NOL6: variants seen among roughly 807,000 people sequenced by gnomAD.
NOL6 encodes nucleolar protein 6, also known as nucleolar RNA-associated protein.
In NOL6, 33 loss-of-function variants were observed where a neutral mutation model predicts 131.7. The observed-to-expected ratio is 0.25, with a 90% CI of 0.19 to 0.33. NOL6 has a LOEUF of 0.33. Among genes scored for constraint, NOL6 ranks in the 10% least tolerant of loss-of-function variants. The pLI, the probability that NOL6 is intolerant of heterozygous loss-of-function variation, is 1.00. For synonymous variants in NOL6, 580 were observed against 605.7 expected (o/e 0.96, Z 0.62); for missense variants, 1,297 against 1,494.5 (o/e 0.87, Z 2.18).
In NOL6 at chr9:33,471,088, C is replaced by T. The variant is rs113465975; in HGVS notation, c.379-897G>A. On this transcript the variant is annotated intron_variant, in intron 3 of 25. Coordinates refer to ENST00000297990, the MANE Select transcript of NOL6 (RefSeq NM_022917.5). ...AGGAGTTCAAAACTAACCTGGCCAA[C>T]ATGGTGAAACCCCCTCTCTACTAAA... 3.7e-3 allele frequency among the ~76,000 whole-genome samples: 557 copies of T among 152,256 alleles called. 3 individuals carry two copies. Among genetic ancestry groups the T allele is most frequent in the African/African-American group, 0.012 (519 of 41,542 alleles).
rs1480778990 is a variant in NOL6, at chr9:33,467,374, T to A, written c.1725+20A>T. The A allele has an allele frequency of 3.7e-6, 6 of 1,613,502 alleles. No homozygotes were observed. The African/African-American group carries it at 5.3e-5, about 14-fold the overall frequency. On this transcript the variant is annotated intron_variant, in intron 13 of 25. Transcript: ENST00000297990. This position sits in a 1 kb window ranked among gnomAD's most constrained non-coding sequence, Gnocchi z 4.4. ...ACGAGCCACCCCATTCCTTCCAGTG[T>A]ACATGCTGGGGTCCCCCACCTCAGG... is the stretch of plus-strand genomic sequence containing the variant.
chr9:33,463,448 A>C lies in NOL6; in HGVS notation c.2995-7T>G. The C allele has an allele frequency of 6.3e-7, 1 of 1,599,772 alleles. No individual in the cohort carries two copies. The highest frequency in any genetic ancestry group is 1.1e-5 in the South Asian group (1 of 90,240). ...AGGGCGGCCGGAACACTGTCTAAGG[A>C]AGGGGAGAAGGAGGGGTCAGCAGGA... On this transcript the variant is annotated splice_polypyrimidine_tract_variant and splice_region_variant and intron_variant, in intron 23 of 25. Coordinates refer to ENST00000297990, the MANE Select transcript of NOL6 (RefSeq NM_022917.5).
Sources: allele counts gnomAD v4.1 joint callset (sites outside exome capture counted in the v4.1 genomes callset), GRCh38; gene constraint gnomAD v4.1.1; non-coding constraint Gnocchi (gnomAD v3.1); transcripts MANE v1.5; gene names NCBI Gene and HGNC (gene_info 2026-07-23, HGNC 2026-07-21).